Variants in PKNOX1 observed in about 807,000 individuals in gnomAD.
The protein encoded by PKNOX1 is PBX/knotted 1 homeobox 1, also known as homeobox protein PKNOX1.
In PKNOX1, 15 loss-of-function variants were observed where a neutral mutation model predicts 51.9. The ratio of observed to expected loss-of-function variants is 0.29; its 90% confidence interval spans 0.19 to 0.45. The LOEUF is 0.45. PKNOX1 is among the 20% of genes least tolerant of loss of function. The pLI, the probability that PKNOX1 is intolerant of heterozygous loss-of-function variation, is 1.00. For missense variants in PKNOX1, 462 were observed against 547.5 expected (o/e 0.84, Z 1.56); for synonymous variants, 219 against 211.1 (o/e 1.04, Z -0.32).
chr21:43,001,520 G>C (rs940568182), intron 1 of PKNOX1, among the ~76,000 whole-genome samples: 2 of 152,156 alleles, frequency 1.3e-5, no homozygotes, highest in African/African-American at 4.8e-5. Flanking sequence ...GGCACCACCT[G>C]GTTCTTTTGC....
Position 43,021,405 on chromosome 21 carries a change from C to T in PKNOX1, c.823C>T (p.Arg275Trp), listed in dbSNP as rs1271388541. ...VLPKHATNVM[R>W]SWLFQHIGHP... ...GCCAAAGCATGCCACGAACGTGATG[C>T]GGTCCTGGCTCTTCCAGCACATCGG... The change falls in exon 8 of 11, where the codon CGG (arginine) becomes TGG (tryptophan). Residue 275 changes from arginine (R) to tryptophan (W), a missense_variant. Coordinates refer to ENST00000291547, the MANE Select transcript of PKNOX1 (RefSeq NM_004571.5). The surrounding 1 kb of genome is among the most constrained non-coding windows in gnomAD (Gnocchi z 4.6). The T allele has an allele frequency of 1.9e-6, 3 of 1,612,148 alleles. No homozygotes were observed. The highest frequency in any genetic ancestry group is 2.2e-5 in the East Asian group (1 of 44,818).
chr21:43,014,314 C>T (rs768929873), intron 5 of PKNOX1, among the ~76,000 whole-genome samples: 70 of 152,080 alleles, frequency 4.6e-4, no homozygotes, highest in Middle Eastern at 6.8e-3. Flanking sequence ...AGCTACCACG[C>T]CTGGCCGTCT....
At position 43,032,397 on chromosome 21, in the gene PKNOX1, A is replaced by G; in HGVS notation, c.*2296A>G. 1 of 303,972 alleles carries G rather than the reference A, an allele frequency of 3.3e-6. No individual in the cohort carries two copies. Among genetic ancestry groups the G allele is most frequent in the Non-Finnish European group, 6.7e-6 (1 of 149,250 alleles). The allele number at this position is 303,972 out of a possible 1,614,324, so 18.8% of individuals were successfully genotyped here. ...CCATTCACAGAATGTAGACTCATGT[A>G]TAGGTCACCGTTTCTTTCCCCCACT... On this transcript the variant is annotated 3_prime_UTR_variant, in exon 11 of 11. Transcript: ENST00000291547.
intron 1 of PKNOX1, among the ~76,000 whole-genome samples, chr21:42,991,746 A>AG (rs1491142157): frequency 6.9e-6 from 1 of 145,776 alleles, no homozygotes; most frequent in Non-Finnish European, 1.5e-5. Flanking sequence ...AAAAAAAAAA[A>AG]CAAACCAAAA....
rs961536695 is a variant in PKNOX1 at position 43,019,419 on chromosome 21, AC to A, written c.720+1190del. Among the ~76,000 whole-genome samples the A allele has an allele frequency of 4.1e-3, 611 of 150,804 alleles. 5 individuals are homozygous for A. Among genetic ancestry groups the A allele is most frequent in the African/African-American group, 0.014 (576 of 41,080 alleles). ...ATAAAATAAAATAAACAAAAAAAAAACACACATTTTTTTGAGACTTTGCAAA... is the reference window on the plus strand; with the variant it reads ...ATAAAATAAAATAAACAAAAAAAAAAACACATTTTTTTGAGACTTTGCAAA... On this transcript the variant is annotated intron_variant, in intron 7 of 10. Transcript: ENST00000291547.
chr21:42,997,619 A>C (rs1333695637), intron 1 of PKNOX1, among the ~76,000 whole-genome samples: 1 of 152,206 alleles, frequency 6.6e-6, no homozygotes, highest in East Asian at 1.9e-4. Context: ...CCCTTAAGGA[A>C]CTTGTAGTCC....
At chr21:42,979,721 G>A (rs1272112428) in intron 1 of PKNOX1, among the ~76,000 whole-genome samples, 2 of 151,862 alleles carry the variant, frequency 1.3e-5, no homozygotes, top group East Asian at 1.9e-4. Flanking sequence ...CAGCCTGGGT[G>A]ACACAGCGAG....
intron 7 of PKNOX1, among the ~76,000 whole-genome samples, chr21:43,018,433 A>G (rs1197329850): frequency 7.1e-6 from 1 of 141,592 alleles, no homozygotes; most frequent in Non-Finnish European, 1.5e-5. Context: ...GAAAATTCTG[A>G]AAGAACAGGA....
intron 1 of PKNOX1, among the ~76,000 whole-genome samples, chr21:42,987,400 A>AT (rs1239109342): frequency 4.5e-4 from 32 of 71,180 alleles, no homozygotes; most frequent in African/African-American, 9.9e-4. Context: ...AAAAAAAAAA[A>AT]AAAAATATAT....
rs558443923 is a variant in PKNOX1 at position 43,028,102 on chromosome 21, T to C, written c.927-600T>C. 2.0e-5 allele frequency among the ~76,000 whole-genome samples: 3 copies of C among 152,332 alleles called. No individual in the cohort carries two copies. In the East Asian group the frequency reaches 5.8e-4, roughly 29 times the overall value. ...ACATGTCTAGGACCACTGGAGGACT[T>C]ACGCCTCCAGTCATCTAAGAAACAG... On this transcript the variant is annotated intron_variant, in intron 9 of 10. Transcript: ENST00000291547.
Position 43,012,946 on chromosome 21 carries a change from C to T in PKNOX1, c.352-122C>T, listed in dbSNP as rs540021603. On this transcript the variant is annotated intron_variant, in intron 4 of 10. Coordinates refer to ENST00000291547, the MANE Select transcript of PKNOX1 (RefSeq NM_004571.5). ...AGTTTAGAGGATTTCTGATGTTATT[C>T]CACTTTGGTTATTGGCAGTAGAGAT... 75 of 732,744 alleles carry T rather than the reference C, an allele frequency of 1.0e-4. No individual in the cohort carries two copies. In the African/African-American group the frequency reaches 1.3e-3, roughly 12 times the overall value. The allele number at this position is 732,744 out of a possible 1,614,324, so 45.4% of individuals were successfully genotyped here.
At chr21:42,977,717 T>G (rs1379531233) in intron 1 of PKNOX1, among the ~76,000 whole-genome samples, 1 of 151,740 alleles carries the variant, frequency 6.6e-6, no homozygotes. Context: ...ACAGCTAATT[T>G]TTTGTATTTT....
At chr21:42,988,134 A>G (rs913649212) in intron 1 of PKNOX1, among the ~76,000 whole-genome samples, 2 of 151,842 alleles carry the variant, frequency 1.3e-5, no homozygotes, top group Admixed American at 6.6e-5. Context: ...GCTCACTGCA[A>G]CCTCTGCCTC....
At chr21:43,007,828 C>A in intron 3 of PKNOX1, 1 of 457,936 alleles carries the variant, frequency 2.2e-6, no homozygotes, top group Non-Finnish European at 3.9e-6. Context: ...CTTTGGGAGG[C>A]TGAGGCGGGC....
intron 1 of PKNOX1, among the ~76,000 whole-genome samples, chr21:42,997,357 C>T (rs943593700): frequency 3.3e-5 from 5 of 152,306 alleles, no homozygotes; most frequent in East Asian, 1.9e-4. Flanking sequence ...GGGAGCCTTA[C>T]GTTCCAGCAA....
intron 4 of PKNOX1, among the ~76,000 whole-genome samples, chr21:43,012,830 C>T (rs1182918309): frequency 6.6e-6 from 1 of 152,172 alleles, no homozygotes; most frequent in African/African-American, 2.4e-5. Context: ...CTGGGATGCA[C>T]CGAGGTCACC....
chr21:43,028,682 CT>C lies in PKNOX1; in HGVS notation c.927-18del. The C allele has an allele frequency of 6.2e-7, 1 of 1,611,280 alleles. No homozygotes were observed. Among genetic ancestry groups the C allele is most frequent in the Non-Finnish European group, 8.5e-7 (1 of 1,178,708 alleles). ...TTTACGAAGGCTGTTTTCATGGAAG[CT>C]TCTCTTTGTTGACTCCAGGTTCATC... On this transcript the variant is annotated intron_variant, in intron 9 of 10. Coordinates refer to ENST00000291547, the MANE Select transcript of PKNOX1 (RefSeq NM_004571.5).
At chr21:42,993,623 G>A (rs1217953662) in intron 1 of PKNOX1, among the ~76,000 whole-genome samples, 1 of 145,820 alleles carries the variant, frequency 6.9e-6, no homozygotes, top group Non-Finnish European at 1.5e-5. Flanking sequence ...TGGCCTGTGG[G>A]TCTGTTCCTG....
chr21:42,978,031 T>C (rs1431994083), intron 1 of PKNOX1, among the ~76,000 whole-genome samples: 1 of 152,096 alleles, frequency 6.6e-6, no homozygotes, highest in Non-Finnish European at 1.5e-5. Context: ...CCTCCCTCTT[T>C]TTTTGAGACT....
Sources: allele counts gnomAD v4.1 joint callset (sites outside exome capture counted in the v4.1 genomes callset), GRCh38; gene constraint gnomAD v4.1.1; non-coding constraint Gnocchi (gnomAD v3.1); transcripts MANE v1.5; gene names NCBI Gene and HGNC (gene_info 2026-07-23, HGNC 2026-07-21).